Variants in PEBP4 observed in about 807,000 individuals in gnomAD.
PEBP4 encodes the protein phosphatidylethanolamine-binding protein 4.
PEBP4 carries 22 observed loss-of-function variants against 23.9 expected under a neutral mutation model. The observed-to-expected ratio is 0.92, with a 90% CI of 0.66 to 1.31. PEBP4 has a LOEUF of 1.31. Among genes scored for constraint, PEBP4 ranks in the 40% most tolerant of loss-of-function variants. The probability of loss-of-function intolerance (pLI) is 0.00; values close to 1 mark genes in which losing one functional copy is unlikely to be tolerated. For missense variants in PEBP4, 324 were observed against 281.7 expected (o/e 1.15, Z -1.07); for synonymous variants, 112 against 99.3 (o/e 1.13, Z -0.76).
chr8:22,867,453 C>G (rs367705210), intron 3 of PEBP4, among the ~76,000 whole-genome samples: 1 of 152,158 alleles, frequency 6.6e-6, no homozygotes, highest in African/African-American at 2.4e-5. Flanking sequence ...ACAGAGGTCT[C>G]CTTAGCACAC....
At chr8:22,860,337 G>A (rs147683291) in intron 3 of PEBP4, among the ~76,000 whole-genome samples, 1 of 151,568 alleles carries the variant, frequency 6.6e-6, no homozygotes, top group Non-Finnish European at 1.5e-5. Context: ...TCTCCAGAAT[G>A]CTTTTCATTT....
chr8:22,798,027 C>T (rs1332114401), intron 4 of PEBP4, among the ~76,000 whole-genome samples: 2 of 152,054 alleles, frequency 1.3e-5, no homozygotes, highest in Non-Finnish European at 2.9e-5. Context: ...GAATCAGGTG[C>T]TAAATTGTGT....
chr8:22,818,689 G>A (rs965235636), intron 3 of PEBP4, among the ~76,000 whole-genome samples: 1 of 152,158 alleles, frequency 6.6e-6, no homozygotes, highest in Non-Finnish European at 1.5e-5. Flanking sequence ...AGTAGAAAAT[G>A]AATGATCTCC....
chr8:22,762,823 A>G (rs1476223928), intron 4 of PEBP4, among the ~76,000 whole-genome samples: 1 of 152,190 alleles, frequency 6.6e-6, no homozygotes, highest in Non-Finnish European at 1.5e-5. Context: ...TTCCTGGCTG[A>G]AAGGGGCTAT....
chr8:22,823,529 C>T (rs1806904619), intron 3 of PEBP4, among the ~76,000 whole-genome samples: 1 of 151,534 alleles, frequency 6.6e-6, no homozygotes, highest in Admixed American at 6.6e-5. Context: ...TGCAGGAAAA[C>T]TTTATATATC....
intron 6 of PEBP4, among the ~76,000 whole-genome samples, chr8:22,721,867 C>T (rs1262787252): frequency 6.6e-6 from 1 of 152,180 alleles, no homozygotes; most frequent in Non-Finnish European, 1.5e-5. Flanking sequence ...AGGCACCGTC[C>T]AGGTGCTTCA....
At chr8:22,930,394 T>A (rs971870848), upstream of PEBP4, among the ~76,000 whole-genome samples, 3 of 152,180 alleles carry the variant, frequency 2.0e-5, no homozygotes, top group African/African-American at 7.2e-5. Flanking sequence ...TTGTAATAAA[T>A]TATTTTATAG....
At chr8:22,904,170 G>A (rs1052549501) in intron 3 of PEBP4, among the ~76,000 whole-genome samples, 3 of 152,166 alleles carry the variant, frequency 2.0e-5, no homozygotes, top group African/African-American at 7.2e-5. Context: ...GCAGCAGGCT[G>A]CTTCCCGGCT....
intron 3 of PEBP4, among the ~76,000 whole-genome samples, chr8:22,902,364 A>G (rs765992431): frequency 1.3e-5 from 2 of 152,098 alleles, no homozygotes; most frequent in Non-Finnish European, 2.9e-5. Flanking sequence ...TAAATTTTAA[A>G]ATCCTACGTC....
At chr8:22,746,775 A>G (rs1239823159) in intron 4 of PEBP4, among the ~76,000 whole-genome samples, 1 of 152,102 alleles carries the variant, frequency 6.6e-6, no homozygotes, top group Non-Finnish European at 1.5e-5. Context: ...ACATTCTGTG[A>G]TGGTGGAGTT....
At chr8:22,754,296 C>T (rs566105254) in intron 4 of PEBP4, among the ~76,000 whole-genome samples, 8 of 152,174 alleles carry the variant, frequency 5.3e-5, no homozygotes, top group Non-Finnish European at 1.2e-4. Context: ...TTCTACCTTA[C>T]CTACTGGACT....
intron 3 of PEBP4, among the ~76,000 whole-genome samples, chr8:22,874,575 A>C (rs1427103934): frequency 1.3e-5 from 2 of 152,172 alleles, no homozygotes; most frequent in African/African-American, 4.8e-5. Context: ...CGGCATATGA[A>C]AATTCAGGAG....
chr8:22,747,573 G>A (rs1034474811), intron 4 of PEBP4: 1 of 151,326 alleles, frequency 6.6e-6, no homozygotes, highest in African/African-American at 2.4e-5. Context: ...GCAGCAGGGT[G>A]AGTGGGGTGT....
intron 3 of PEBP4, among the ~76,000 whole-genome samples, chr8:22,887,429 G>A (rs1233941138): frequency 7.2e-5 from 11 of 151,734 alleles, no homozygotes; most frequent in African/African-American, 2.4e-4. Context: ...GATTACAGGC[G>A]TGAGCCACCG....
At chr8:22,933,636 G>T (rs11998396) in intron 1 of PEBP4, among the ~76,000 whole-genome samples, 2 of 152,186 alleles carry the variant, frequency 1.3e-5, no homozygotes, top group Admixed American at 6.5e-5. Flanking sequence ...TTAGGGAGTT[G>T]ATTACCACCA....
intron 4 of PEBP4, among the ~76,000 whole-genome samples, chr8:22,787,313 C>T (rs995903377): frequency 3.3e-5 from 5 of 152,128 alleles, no homozygotes; most frequent in Non-Finnish European, 7.3e-5. Context: ...TTTAGATACA[C>T]CAGCCAGGTT....
intron 3 of PEBP4, among the ~76,000 whole-genome samples, chr8:22,874,121 C>T (rs1429034683): frequency 6.6e-6 from 1 of 152,106 alleles, no homozygotes; most frequent in African/African-American, 2.4e-5. Context: ...TGGAGGCCAC[C>T]AGAACACGGA....
chr8:22,804,599 A>G (rs1313531163), intron 4 of PEBP4, among the ~76,000 whole-genome samples: 1 of 152,078 alleles, frequency 6.6e-6, no homozygotes, highest in Non-Finnish European at 1.5e-5. Flanking sequence ...GGACTTAATC[A>G]TCTTACATTA....
chr8:22,804,808 T>G (rs1338853342), intron 4 of PEBP4, among the ~76,000 whole-genome samples: 2 of 152,138 alleles, frequency 1.3e-5, no homozygotes, highest in Non-Finnish European at 2.9e-5. Flanking sequence ...CTGGTCTCCC[T>G]TGCTGCCTCA....
Sources: allele counts gnomAD v4.1 joint callset (sites outside exome capture counted in the v4.1 genomes callset), GRCh38; gene constraint gnomAD v4.1.1; transcripts MANE v1.5; gene names NCBI Gene and HGNC (gene_info 2026-07-23, HGNC 2026-07-21).